TRIM5: variants seen among roughly 807,000 people sequenced by gnomAD.
TRIM5 encodes the protein tripartite motif containing 5.
TRIM5 carries 31 observed loss-of-function variants against 35.6 expected under a neutral mutation model. That is an observed-to-expected ratio of 0.87 (90% CI 0.65 to 1.18). The LOEUF (loss-of-function observed/expected upper bound fraction) is 1.18. TRIM5 is among the 50% of genes most tolerant of loss of function. The probability of loss-of-function intolerance (pLI) is 0.00; values close to 1 mark genes in which losing one functional copy is unlikely to be tolerated. For synonymous variants in TRIM5, 243 were observed against 215.6 expected (o/e 1.13, Z -1.11); for missense variants, 609 against 591.6 (o/e 1.03, Z -0.31).
the TRIM5 span, chr11:5,633,706 C>CT: frequency 8.5e-6 from 11 of 1,294,424 alleles, no homozygotes; most frequent in Middle Eastern, 7.6e-4. Context: ...CTGTAAATTG[C>CT]TTTTTTCTGG....
the TRIM5 span, chr11:5,643,805 C>T: frequency 6.8e-7 from 1 of 1,472,058 alleles, no homozygotes; most frequent in Middle Eastern, 1.8e-4. Flanking sequence ...TTGTGGTTTC[C>T]CTTCTTTAGA....
In TRIM5 at chr11:5,664,585, G is replaced by C; in HGVS notation, c.*224C>G. On this transcript the variant is annotated 3_prime_UTR_variant, in exon 8 of 8. Transcript: ENST00000380034. ...AGGTATAGGTCAGTTTTCCTTAGGA[G>C]TACGGAAAATGATGAAAAAAATTGC... The C allele has an allele frequency of 3.9e-6, 5 of 1,285,362 alleles. No individual in the cohort carries two copies. Among genetic ancestry groups the C allele is most frequent in the Non-Finnish European group, 4.9e-6 (5 of 1,018,526 alleles). The allele number at this position is 1,285,362 out of a possible 1,614,324, so 79.6% of individuals were successfully genotyped here. A position where few individuals can be genotyped will look rare whatever the true frequency, so the allele number is the denominator to read the frequency against.
chr11:5,606,798 C>T, the TRIM5 span, among the ~76,000 whole-genome samples: 7 of 152,308 alleles, frequency 4.6e-5, no homozygotes, highest in East Asian at 1.9e-4. Flanking sequence ...GACTGCCCCA[C>T]GGACATTTAA....
chr11:5,680,285 A>AGG, intron 1 of TRIM5, 47 bp from the exon 2 acceptor site: 1 of 1,154,668 alleles, frequency 8.7e-7, no homozygotes. Context: ...GAAAGGTAGA[A>AGG]ATAGAAAGGA....
At chr11:5,614,973 T>A in the TRIM5 span, among the ~76,000 whole-genome samples, 9 of 152,214 alleles carry the variant, frequency 5.9e-5, no homozygotes, top group African/African-American at 9.6e-5. Context: ...ATCTCACAAA[T>A]TTTGATATAT....
chr11:5,604,858 G>T, the TRIM5 span: 1 of 490,590 alleles, frequency 2.0e-6, no homozygotes, highest in Non-Finnish European at 3.6e-6. Context: ...AGGAACCATG[G>T]CTAGGGGTCG....
downstream of TRIM5, among the ~76,000 whole-genome samples, chr11:5,660,977 G>A (rs993043181): frequency 1.4e-5 from 2 of 138,542 alleles, no homozygotes; most frequent in East Asian, 2.5e-4. Context: ...AGGAGGTGGA[G>A]GTTGCAGTGA....
the TRIM5 span, chr11:5,610,951 T>C: frequency 1.2e-6 from 2 of 1,613,894 alleles, no homozygotes; most frequent in South Asian, 2.2e-5. Context: ...TACTGGGAGG[T>C]AGATGTGGCC....
the TRIM5 span, among the ~76,000 whole-genome samples, chr11:5,628,825 C>T: frequency 6.7e-6 from 1 of 150,150 alleles, no homozygotes; most frequent in South Asian, 2.1e-4. Flanking sequence ...TTTCAGAAGG[C>T]TCTATGTGAA....
the TRIM5 span, chr11:5,604,934 G>T: frequency 2.3e-6 from 1 of 437,214 alleles, no homozygotes; most frequent in Non-Finnish European, 4.1e-6. Context: ...CTTGCATTCA[G>T]AGTACAAATG....
chr11:5,627,792 G>A, the TRIM5 span, among the ~76,000 whole-genome samples: 1 of 152,134 alleles, frequency 6.6e-6, no homozygotes, highest in African/African-American at 2.4e-5. Context: ...GGCAGTTTCT[G>A]ACCAAGAATC....
At chr11:5,662,197 G>C (rs1221087912), downstream of TRIM5, among the ~76,000 whole-genome samples, 1 of 152,218 alleles carries the variant, frequency 6.6e-6, no homozygotes, top group East Asian at 1.9e-4. Flanking sequence ...TTACCACAAA[G>C]ATAGAGACCT....
the TRIM5 span, chr11:5,645,883 AT>A: frequency 5.8e-5 from 9 of 156,032 alleles, no homozygotes; most frequent in East Asian, 3.8e-4. Flanking sequence ...AAAAAAAAAT[AT>A]ATATATATAT....
chr11:5,661,248 TCTCTTTTCCAAAGAGCTC>T (rs1850816626), downstream of TRIM5, among the ~76,000 whole-genome samples: 1 of 151,768 alleles, frequency 6.6e-6, no homozygotes, highest in East Asian at 1.9e-4. Flanking sequence ...ACCAAAGAGA[TCTCTTTTCCAAAGAGCTC>T]TCCTCTGCCC....
the TRIM5 span, among the ~76,000 whole-genome samples, chr11:5,620,533 T>G: frequency 2.6e-5 from 4 of 152,196 alleles, no homozygotes; most frequent in Admixed American, 2.0e-4. Flanking sequence ...GTTGCAGTAA[T>G]GAGTCTCAAG....
intron 4 of TRIM5, among the ~76,000 whole-genome samples, chr11:5,676,392 C>G (rs940242765): frequency 3.3e-5 from 5 of 151,824 alleles, no homozygotes; most frequent in Non-Finnish European, 7.4e-5. Flanking sequence ...AGGAATCCAA[C>G]TTACAAGGGA....
In TRIM5 at chr11:5,679,122, T is replaced by G; in HGVS notation, c.465A>C (p.Glu155Asp). The change falls in exon 3 of 8, where the codon GAA (glutamate) becomes GAC (aspartate). Residue 155 changes from glutamate (E) to aspartate (D), a missense_variant. Coordinates refer to ENST00000380034, the MANE Select transcript of TRIM5 (RefSeq NM_033034.3). ...TGATGTCAGCTTCTAACTCTTCAGC[T>G]TCCTGCTGCTTCTGCCTCAGCATCT... is the stretch of plus-strand genomic sequence containing the variant. ...ALEMLRQKQQEAEELEADIRE... is the reference protein window; with the variant it reads ...ALEMLRQKQQDAEELEADIRE... 1 of 1,614,132 alleles carries G rather than the reference T, an allele frequency of 6.2e-7. No homozygotes were observed. The highest frequency in any genetic ancestry group is 8.5e-7 in the Non-Finnish European group (1 of 1,179,988).
the TRIM5 span, among the ~76,000 whole-genome samples, chr11:5,630,178 C>G: frequency 6.6e-6 from 1 of 151,984 alleles, no homozygotes; most frequent in Non-Finnish European, 1.5e-5. Flanking sequence ...AATCCTCTTA[C>G]GGAAAATGAG....
the TRIM5 span, among the ~76,000 whole-genome samples, chr11:5,639,089 C>T: frequency 6.6e-6 from 1 of 152,040 alleles, no homozygotes; most frequent in African/African-American, 2.4e-5. Flanking sequence ...AGTTGTATGT[C>T]TAAGAATGCT....
Sources: gnomAD v4.1 joint callset for allele counts (sites outside exome capture counted in the v4.1 genomes callset) on GRCh38, gnomAD v4.1.1 for gene constraint, MANE v1.5 for transcripts, NCBI Gene and HGNC (gene_info 2026-07-23, HGNC 2026-07-21) for gene names.